EFR3B: variants seen among roughly 807,000 people sequenced by gnomAD.
EFR3B encodes EFR3 homolog B.
Under a neutral mutation model 104.7 loss-of-function variants are expected in EFR3B, and 64 were observed. The ratio of observed to expected loss-of-function variants is 0.61; its 90% CI spans 0.50 to 0.75. The LOEUF is 0.75. Ranked by LOEUF, EFR3B falls within the 30% of genes least tolerant of loss-of-function variation. The probability of loss-of-function intolerance (pLI) is 0.00; values close to 1 mark genes in which losing one functional copy is unlikely to be tolerated. For missense variants in EFR3B, 750 were observed against 1,078.5 expected, an observed-to-expected ratio of 0.70 and a Z score of 4.27; for synonymous variants, 385 against 417.9, an observed-to-expected ratio of 0.92 and a Z score of 0.96.
At chr2:25,126,430 G>A (rs537114920) in intron 5 of EFR3B, among the ~76,000 whole-genome samples, 23 of 151,396 alleles carry the variant, frequency 1.5e-4, no homozygotes, top group African/African-American at 3.6e-4. Flanking sequence ...CATGATCTCC[G>A]CTTACTGTAA....
chr2:25,116,459 A>T (rs537230103), intron 4 of EFR3B, among the ~76,000 whole-genome samples: 117 of 152,170 alleles, frequency 7.7e-4, no homozygotes, highest in Admixed American at 4.2e-3. Context: ...CCCCGTCTCT[A>T]CTAAAAATAC....
chr2:25,131,131 T>C lies in EFR3B; in HGVS notation c.850-237T>C, dbSNP rs1336983270. ...TTTAAAATGGTCTTTTGACCAATTT[T>C]GAAGTAAAAGGGCCCTGGAAAACTG... On this transcript the variant is annotated intron_variant, in intron 8 of 22. Coordinates refer to ENST00000403714, the MANE Select transcript of EFR3B (RefSeq NM_014971.2). This position sits in a 1 kb window ranked among gnomAD's most constrained non-coding sequence, Gnocchi z 7.6. Among the ~76,000 whole-genome samples, 1 of 152,174 alleles carries C rather than the reference T, an allele frequency of 6.6e-6. No individual in the cohort carries two copies. Among genetic ancestry groups the C allele is most frequent in the Non-Finnish European group, 1.5e-5 (1 of 68,020 alleles).
chr2:25,051,261 GCCA>G (rs1667860527), intron 1 of EFR3B, among the ~76,000 whole-genome samples: 1 of 151,908 alleles, frequency 6.6e-6, no homozygotes, highest in South Asian at 2.1e-4. Flanking sequence ...ACAGGCGTGA[GCCA>G]CCATGTCTGG....
chr2:25,099,828 A>G (rs1183348837), intron 3 of EFR3B, among the ~76,000 whole-genome samples: 1 of 151,460 alleles, frequency 6.6e-6, no homozygotes, highest in East Asian at 1.9e-4. Context: ...AAATTGTCCT[A>G]TAGTCATCCT....
rs1167050143 is a variant in EFR3B at position 25,158,110 on chromosome 2, G to A, written c.*3770G>A. On this transcript the variant is annotated 3_prime_UTR_variant, in exon 23 of 23. Coordinates refer to ENST00000403714, the MANE Select transcript of EFR3B (RefSeq NM_014971.2). ...GGGTTCTTCTGAACAGCTCAGGCCA[G>A]ACCTCTGGGCTCCTCTGGGGGCCCT... 1 of 152,302 alleles carries A rather than the reference G, an allele frequency of 6.6e-6. No homozygotes were observed. Among genetic ancestry groups the A allele is most frequent in the Non-Finnish European group, 1.5e-5 (1 of 68,094 alleles). 9.4% of individuals were successfully genotyped at this position (152,302 alleles called of 1,614,324 possible).
intron 1 of EFR3B, chr2:25,079,845 T>C (rs1302522085): frequency 1.2e-6 from 1 of 850,538 alleles, no homozygotes; most frequent in East Asian, 2.6e-5. Flanking sequence ...CAGAACACAG[T>C]ATCCTTAATG....
chr2:25,042,255 G>A lies in EFR3B; in HGVS notation c.-58G>A. On this transcript the variant is annotated 5_prime_UTR_variant, in exon 1 of 23. Transcript: ENST00000403714. This position sits in a 1 kb window ranked among gnomAD's most constrained non-coding sequence, Gnocchi z 5.4. ...TGAATGAAAGGCGGGCGCCGCCGAG[G>A]GCTGGCTGGGAACGCCGCAGCGACG... is the stretch of plus-strand genomic sequence containing the variant. The A allele has an allele frequency of 7.6e-7, 1 of 1,308,294 alleles. No individual in the cohort carries two copies. Among genetic ancestry groups the A allele is most frequent in the Non-Finnish European group, 9.7e-7 (1 of 1,028,626 alleles). The allele number at this position is 1,308,294 out of a possible 1,614,324, so 81.0% of individuals were successfully genotyped here.
chr2:25,060,418 A>G, intron 1 of EFR3B, among the ~76,000 whole-genome samples: 1 of 152,186 alleles, frequency 6.6e-6, no homozygotes, highest in Non-Finnish European at 1.5e-5. Context: ...GGATCTCTGG[A>G]AAACTCTTCC....
chr2:25,142,595 C>G (rs900532476), intron 17 of EFR3B, among the ~76,000 whole-genome samples: 1 of 151,350 alleles, frequency 6.6e-6, no homozygotes, highest in Non-Finnish European at 1.5e-5. Context: ...CCTGTCTCTA[C>G]TAAAAATACA....
At chr2:25,068,783 C>G (rs1668408050) in intron 1 of EFR3B, among the ~76,000 whole-genome samples, 1 of 151,566 alleles carries the variant, frequency 6.6e-6, no homozygotes, top group South Asian at 2.1e-4. Context: ...GTGCCTGTCA[C>G]CACGCCCAGC....
In EFR3B at chr2:25,131,537, A is replaced by T; in HGVS notation, c.985+34A>T. The T allele has an allele frequency of 6.5e-7, 1 of 1,544,656 alleles. No individual in the cohort carries two copies. Among genetic ancestry groups the T allele is most frequent in the Middle Eastern group, 1.7e-4 (1 of 5,934 alleles). The stretch of plus-strand genomic sequence containing the variant: ...CATGGCTAGGGCCTGAGGGCCGGGG[A>T]CCCCGCGGAGGCTGCCGCCTCTTAC... On this transcript the variant is annotated intron_variant, in intron 9 of 22. Transcript: ENST00000403714. This position sits in a 1 kb window ranked among gnomAD's most constrained non-coding sequence, Gnocchi z 7.6.
intron 16 of EFR3B, 53 bp from the exon 17 acceptor site, chr2:25,141,313 G>T: frequency 6.5e-7 from 1 of 1,539,510 alleles, no homozygotes; most frequent in Non-Finnish European, 8.8e-7. Flanking sequence ...CGTTGCCTGT[G>T]AGCTCCCTCT....
At chr2:25,098,211 C>G (rs938227393) in intron 3 of EFR3B, among the ~76,000 whole-genome samples, 1 of 152,058 alleles carries the variant, frequency 6.6e-6, no homozygotes, top group Non-Finnish European at 1.5e-5. Flanking sequence ...GTGGGCTGAC[C>G]AAATGCACTC....
intron 1 of EFR3B, among the ~76,000 whole-genome samples, chr2:25,063,376 A>C (rs566196676): frequency 1.3e-5 from 2 of 152,106 alleles, no homozygotes; most frequent in Non-Finnish European, 2.9e-5. Context: ...GGCTTGTGAC[A>C]TCTCTGTATA....
intron 4 of EFR3B, among the ~76,000 whole-genome samples, chr2:25,117,750 T>G (rs1007536668): frequency 9.9e-5 from 15 of 151,992 alleles, no homozygotes; most frequent in Non-Finnish European, 1.9e-4. Context: ...TATTGCCCAC[T>G]TTCTCATCCA....
intron 3 of EFR3B, among the ~76,000 whole-genome samples, chr2:25,099,656 T>TA (rs1407134761): frequency 3.3e-5 from 5 of 151,790 alleles, no homozygotes; most frequent in African/African-American, 9.7e-5. Flanking sequence ...GCTGATGTCT[T>TA]AAAAAAAATT....
rs553917604 is a variant in EFR3B at position 25,132,992 on chromosome 2, G to A, written c.1237G>A (p.Ala413Thr). The change falls in exon 11 of 23, where the codon GCG becomes ACG. Residue 413 changes from alanine to threonine, a missense_variant. Coordinates refer to ENST00000403714, the MANE Select transcript of EFR3B (RefSeq NM_014971.2). ...SKVPRPSLHQ[A>T]VDTGRTGENR... is the part of the protein sequence containing the mutation. ...GGTCCCGCGGCCATCCCTGCACCAGGCGGTGGACACAGGCAGGACGGGGTG... is the reference window on the plus strand; with the variant it reads ...GGTCCCGCGGCCATCCCTGCACCAGACGGTGGACACAGGCAGGACGGGGTG... 5.1e-5 allele frequency: 79 copies of A among 1,551,608 alleles called. No individual in the cohort carries two copies. In the East Asian group the frequency reaches 1.9e-3, roughly 36 times the overall value.
At chr2:25,053,763 T>A (rs1667945687) in intron 1 of EFR3B, among the ~76,000 whole-genome samples, 1 of 152,122 alleles carries the variant, frequency 6.6e-6, no homozygotes, top group Admixed American at 6.5e-5. Context: ...AAAAATTGGC[T>A]GGGCATGGTG....
At chr2:25,069,485 G>A (rs1166595760) in intron 1 of EFR3B, among the ~76,000 whole-genome samples, 1 of 152,226 alleles carries the variant, frequency 6.6e-6, no homozygotes, top group African/African-American at 2.4e-5. Flanking sequence ...GGGCAAGCTA[G>A]TGATAGAGTA....
Sources: allele counts gnomAD v4.1 joint callset (sites outside exome capture counted in the v4.1 genomes callset), GRCh38; gene constraint gnomAD v4.1.1; non-coding constraint Gnocchi (gnomAD v3.1); transcripts MANE v1.5; gene names NCBI Gene and HGNC (gene_info 2026-07-23, HGNC 2026-07-21).